The following PPHLN1 variants were observed in gnomAD, a reference collection of about 807,000 sequenced individuals.
PPHLN1 encodes the protein periphilin-1.
PPHLN1 carries 29 observed loss-of-function variants against 51.3 expected under a neutral mutation model. The observed-to-expected ratio is 0.57, with a 90% confidence interval of 0.42 to 0.77. PPHLN1 has a LOEUF of 0.77. Among genes scored for constraint, PPHLN1 ranks in the 30% least tolerant of loss-of-function variants. The pLI, the probability that PPHLN1 is intolerant of heterozygous loss-of-function variation, is 0.00. For missense variants in PPHLN1, 436 were observed against 438.4 expected, an observed-to-expected ratio of 0.99 and a Z score of 0.05; for synonymous variants, 147 against 147.8, an observed-to-expected ratio of 0.99 and a Z score of 0.04.
Position 42,394,260 on chromosome 12 carries a change from A to G in PPHLN1, c.768+571A>G, listed in dbSNP as rs561986958. On this transcript the variant is annotated intron_variant, in intron 8 of 9. Transcript: ENST00000358314. Reference sequence around the variant, plus strand: ...TTGAAATGAACTGAAAAATTTCTGTATAAACTGTAACATCTCTAAAAGGGA... The same window carrying G: ...TTGAAATGAACTGAAAAATTTCTGTGTAAACTGTAACATCTCTAAAAGGGA... Among the ~76,000 whole-genome samples the G allele has an allele frequency of 7.4e-4, 112 of 152,242 alleles. 1 individual carries two copies. Among genetic ancestry groups the G allele is most frequent in the African/African-American group, 2.6e-3 (108 of 41,590 alleles).
At chr12:42,427,764 T>A (rs2081627964) in intron 9 of PPHLN1, among the ~76,000 whole-genome samples, 1 of 152,088 alleles carries the variant, frequency 6.6e-6, no homozygotes. Context: ...TAGCTGAGAC[T>A]TAATTAAACT....
At chr12:42,360,255 T>G (rs1300831678) in intron 4 of PPHLN1, among the ~76,000 whole-genome samples, 1 of 151,880 alleles carries the variant, frequency 6.6e-6, no homozygotes, top group African/African-American at 2.4e-5. Context: ...CACATTTTCA[T>G]AAGCTTCTTC....
At chr12:42,369,186 A>AT (rs1422106111) in intron 4 of PPHLN1, among the ~76,000 whole-genome samples, 1 of 152,132 alleles carries the variant, frequency 6.6e-6, no homozygotes, top group Non-Finnish European at 1.5e-5. Flanking sequence ...AAGAGCAAAC[A>AT]TTTTCTGACC....
chr12:42,428,569 G>T (rs1257144002), intron 9 of PPHLN1, among the ~76,000 whole-genome samples: 1 of 152,098 alleles, frequency 6.6e-6, no homozygotes, highest in African/African-American at 2.4e-5. Flanking sequence ...AAGCTATGTG[G>T]GGTGCAAAGG....
chr12:42,399,180 G>C, intron 9 of PPHLN1, 186 bp downstream of exon 9: 2 of 1,267,136 alleles, frequency 1.6e-6, no homozygotes, highest in Non-Finnish European at 2.0e-6. Flanking sequence ...CCCCCACCTG[G>C]ATTGTTTATT....
At chr12:42,367,152 G>T (rs954852993) in intron 4 of PPHLN1, among the ~76,000 whole-genome samples, 5 of 152,164 alleles carry the variant, frequency 3.3e-5, no homozygotes, top group Admixed American at 3.3e-4. Context: ...GAAAAAAGGA[G>T]AGATTATAAA....
At chr12:42,332,679 A>C (rs763267421) in intron 1 of PPHLN1, 1 of 1,576,234 alleles carries the variant, frequency 6.3e-7, no homozygotes, top group East Asian at 2.2e-5. Context: ...GAAAACGTTA[A>C]ATTTGATTCC....
intron 9 of PPHLN1, among the ~76,000 whole-genome samples, chr12:42,439,295 T>C (rs1169969933): frequency 6.6e-6 from 1 of 152,250 alleles, no homozygotes; most frequent in Non-Finnish European, 1.5e-5. Flanking sequence ...GCTCAACTTG[T>C]TGAAGTTCAA....
chr12:42,430,853 A>G (rs2081977935), intron 9 of PPHLN1, among the ~76,000 whole-genome samples: 1 of 152,144 alleles, frequency 6.6e-6, no homozygotes, highest in South Asian at 2.1e-4. Flanking sequence ...TCTGCATACA[A>G]AAACATATTG....
intron 9 of PPHLN1, among the ~76,000 whole-genome samples, chr12:42,435,851 C>T (rs910121746): frequency 3.3e-5 from 5 of 152,048 alleles, no homozygotes; most frequent in Non-Finnish European, 7.4e-5. Flanking sequence ...CTTTTTACTC[C>T]TCAGTCCTCC....
chr12:42,357,746 G>A (rs919984581), intron 4 of PPHLN1, among the ~76,000 whole-genome samples: 2 of 151,904 alleles, frequency 1.3e-5, no homozygotes, highest in African/African-American at 4.8e-5. Context: ...TTTTTTATTT[G>A]TATAAATTTG....
chr12:42,344,186 AC>A (rs1335094094), intron 2 of PPHLN1, among the ~76,000 whole-genome samples: 4 of 152,180 alleles, frequency 2.6e-5, no homozygotes, highest in Non-Finnish European at 5.9e-5. Context: ...AGTAAATAAG[AC>A]CAATAAAGGT....
intron 6 of PPHLN1, among the ~76,000 whole-genome samples, chr12:42,385,703 A>G (rs945507414): frequency 1.3e-5 from 2 of 152,176 alleles, no homozygotes; most frequent in African/African-American, 2.4e-5. Flanking sequence ...GCTTATCTGA[A>G]TAGGATTGGG....
downstream of PPHLN1, chr12:42,445,976 C>A: frequency 6.7e-7 from 1 of 1,503,502 alleles, no homozygotes; most frequent in Non-Finnish European, 8.9e-7. Flanking sequence ...CCCTCAGGCC[C>A]TCTTTGGATT....
At chr12:42,347,388 C>T (rs904455714) in intron 2 of PPHLN1, among the ~76,000 whole-genome samples, 1 of 152,272 alleles carries the variant, frequency 6.6e-6, no homozygotes, top group African/African-American at 2.4e-5. Context: ...ATGTTTACAG[C>T]TTAATGTAAG....
Position 42,363,579 on chromosome 12 carries a change from A to T in PPHLN1, c.299+8357A>T, listed in dbSNP as rs531731937. Among the ~76,000 whole-genome samples the T allele has an allele frequency of 9.2e-5, 14 of 151,892 alleles. No individual in the cohort carries two copies. The South Asian group carries it at 2.5e-3, about 27-fold the overall frequency. ...GGAATCATTGGAAGCAACTAGATTA[A>T]ATAACAGCTAATGGAAGAAAAGAGA... On this transcript the variant is annotated intron_variant, in intron 4 of 9. Transcript: ENST00000358314.
chr12:42,336,926 G>A (rs975240110), intron 2 of PPHLN1, among the ~76,000 whole-genome samples: 9 of 152,142 alleles, frequency 5.9e-5, no homozygotes, highest in Middle Eastern at 3.2e-3. Flanking sequence ...CCACTTAGAT[G>A]GGTGGTATCG....
intron 2 of PPHLN1, among the ~76,000 whole-genome samples, chr12:42,336,410 A>C (rs1023365133): frequency 2.0e-5 from 3 of 152,158 alleles, no homozygotes; most frequent in African/African-American, 4.8e-5. Flanking sequence ...CTCTTCCTAG[A>C]GTGGAAACAT....
intron 4 of PPHLN1, chr12:42,355,500 G>C (rs1286037654): frequency 3.9e-6 from 1 of 253,690 alleles, no homozygotes; most frequent in Non-Finnish European, 7.6e-6. Context: ...GCTTTGGGAG[G>C]CCAAGGCGGG....
Sources: gnomAD v4.1 joint callset for allele counts (sites outside exome capture counted in the v4.1 genomes callset) on GRCh38, gnomAD v4.1.1 for gene constraint, MANE v1.5 for transcripts, NCBI Gene and HGNC (gene_info 2026-07-23, HGNC 2026-07-21) for gene names.